Variants in PDE1C observed in about 807,000 individuals in gnomAD.
The protein encoded by PDE1C is dual specificity calcium/calmodulin-dependent 3',5'-cyclic nucleotide phosphodiesterase 1C.
PDE1C carries 62 observed loss-of-function variants against 93.1 expected under a neutral mutation model. That is an observed-to-expected ratio of 0.67 (90% CI 0.54 to 0.82). The LOEUF (loss-of-function observed/expected upper bound fraction) is 0.82, where lower values mean the gene tolerates loss of function less well. Ranked by LOEUF, PDE1C falls within the 40% of genes least tolerant of loss-of-function variation. PDE1C has a pLI of 0.00. For missense variants in PDE1C, 742 were observed against 884.6 expected (o/e 0.84, Z 2.04); for synonymous variants, 325 against 310.1 (o/e 1.05, Z -0.50).
chr7:31,770,102 C>T (rs979929824), intron 17 of PDE1C, among the ~76,000 whole-genome samples: 1 of 152,142 alleles, frequency 6.6e-6, no homozygotes, highest in Non-Finnish European at 1.5e-5. Context: ...ATTATAGCAT[C>T]CTAGTGCATG....
At chr7:32,113,236 A>AATATATATAT (rs35138046) in intron 3 of PDE1C, among the ~76,000 whole-genome samples, 2,720 of 93,800 alleles carry the variant, frequency 0.029, 92 homozygotes, top group South Asian at 0.052. Flanking sequence ...ATTGTCCTTA[A>AATATATATAT]ATATATATAT....
In PDE1C at chr7:32,298,065, C is replaced by CTCTCTCTCTCT. The variant is rs1562660556; in HGVS notation, c.85+585_85+586insAGAGAGAGAGA. On this transcript the variant is annotated intron_variant, in intron 1 of 18. Transcript: ENST00000396193. ...CTCTCTCTCTCTCTCTCTCTCTCTC[C>CTCTCTCTCTCT]CCTCTCTCTCTGAATTCCCCGGTCT... is the stretch of plus-strand genomic sequence containing the variant. 6.3e-3 allele frequency among the ~76,000 whole-genome samples: 134 copies of CTCTCTCTCTCT among 21,174 alleles called. 58 individuals carry two copies. The highest frequency in any genetic ancestry group is 0.017 in the South Asian group (8 of 478). The allele number at this position is 21,174 out of a possible 152,430, so 13.9% of individuals were successfully genotyped here.
At chr7:32,034,815 T>G (rs1790828779) in intron 2 of PDE1C, among the ~76,000 whole-genome samples, 1 of 152,114 alleles carries the variant, frequency 6.6e-6, no homozygotes, top group Admixed American at 6.6e-5. Flanking sequence ...CTTGGAAAGT[T>G]ACTTATGATT....
the PDE1C span, among the ~76,000 whole-genome samples, chr7:31,636,429 AAAG>A: frequency 6.6e-6 from 1 of 152,198 alleles, no homozygotes; most frequent in Admixed American, 6.5e-5. Context: ...GATTGTTTGA[AAAG>A]TTGAAATAAT....
chr7:31,652,992 C>T, the PDE1C span: 1 of 1,434,316 alleles, frequency 7.0e-7, no homozygotes. Flanking sequence ...TTAGAATACT[C>T]TAATACTCAT....
chr7:32,154,019 C>T (rs1471450089), intron 3 of PDE1C, among the ~76,000 whole-genome samples: 2 of 152,192 alleles, frequency 1.3e-5, no homozygotes, highest in Admixed American at 6.5e-5. Context: ...TTTGGGAGTC[C>T]AGTGCAGGTG....
chr7:32,051,698 G>C (rs918470998), intron 1 of PDE1C, 118 bp from the exon 2 acceptor site: 1 of 801,536 alleles, frequency 1.2e-6, no homozygotes, highest in African/African-American at 1.7e-5. Context: ...GGGTTTCTCT[G>C]TGAAGCTTAT....
Position 31,951,038 on chromosome 7 carries a change from C to T in PDE1C, c.129-70178G>A, listed in dbSNP as rs534580214. Among the ~76,000 whole-genome samples, 4 of 152,238 alleles carry T rather than the reference C, an allele frequency of 2.6e-5. No homozygotes were observed. In the South Asian group the frequency reaches 8.3e-4, roughly 32 times the overall value. ...CCTCTCTTCTTGGCTTGTAGATGGC[C>T]ACCTTCTCACGGTGTCCTCAAATGG... is the stretch of plus-strand genomic sequence containing the variant. On this transcript the variant is annotated intron_variant, in intron 2 of 17. Transcript: ENST00000396191.
intron 3 of PDE1C, among the ~76,000 whole-genome samples, chr7:32,167,098 A>C (rs948896066): frequency 6.6e-6 from 1 of 152,102 alleles, no homozygotes; most frequent in Admixed American, 6.5e-5. Flanking sequence ...AAATATTTGA[A>C]ATTTTTTTGA....
At chr7:32,208,858 G>A (rs1302532284) in intron 2 of PDE1C, among the ~76,000 whole-genome samples, 1 of 152,150 alleles carries the variant, frequency 6.6e-6, no homozygotes, top group Non-Finnish European at 1.5e-5. Context: ...AAGGAGTCAA[G>A]GGAAGCCCCA....
At chr7:32,205,629 C>T (rs1318216762) in intron 2 of PDE1C, among the ~76,000 whole-genome samples, 1 of 152,172 alleles carries the variant, frequency 6.6e-6, no homozygotes, top group East Asian at 1.9e-4. Flanking sequence ...TTTGGGTCTG[C>T]TTGTGCCCTG....
intron 9 of PDE1C, among the ~76,000 whole-genome samples, chr7:31,841,348 A>G (rs1791873073): frequency 6.6e-6 from 1 of 151,858 alleles, no homozygotes; most frequent in Non-Finnish European, 1.5e-5. Context: ...GCTCCTTTAC[A>G]GATCCTTAGG....
At chr7:32,059,568 G>C (rs536790006) in intron 1 of PDE1C, among the ~76,000 whole-genome samples, 83 of 152,158 alleles carry the variant, frequency 5.5e-4, no homozygotes, top group Non-Finnish European at 1.0e-3. Context: ...CAAATCTGCT[G>C]CTCATGCCTG....
At chr7:32,002,475 T>TCA (rs1165805846) in intron 2 of PDE1C, among the ~76,000 whole-genome samples, 3 of 152,138 alleles carry the variant, frequency 2.0e-5, no homozygotes, top group African/African-American at 7.2e-5. Context: ...TCTGTGAAAA[T>TCA]GGGGTGATCC....
intron 10 of PDE1C, 146 bp from the exon 11 acceptor site, chr7:31,837,446 C>T: frequency 1.4e-6 from 1 of 692,646 alleles, no homozygotes; most frequent in East Asian, 3.0e-5. Context: ...GACATCATTT[C>T]ATCCTACAAC....
intron 3 of PDE1C, among the ~76,000 whole-genome samples, chr7:32,084,579 C>A (rs1455647854): frequency 6.6e-6 from 1 of 151,818 alleles, no homozygotes; most frequent in Non-Finnish European, 1.5e-5. Context: ...ACACCTATTC[C>A]AAAATTGCAC....
intron 1 of PDE1C, among the ~76,000 whole-genome samples, chr7:32,052,787 C>A (rs1793567685): frequency 6.6e-6 from 1 of 152,174 alleles, no homozygotes; most frequent in Non-Finnish European, 1.5e-5. Flanking sequence ...ACAGAACCTA[C>A]AGTGTGGTCT....
intron 1 of PDE1C, among the ~76,000 whole-genome samples, chr7:32,420,827 G>A (rs1785417271): frequency 6.6e-6 from 1 of 152,118 alleles, no homozygotes; most frequent in African/African-American, 2.4e-5. Context: ...TGTAAGATTT[G>A]CTCATTAGCT....
At chr7:31,829,958 T>C (rs1439367065) in intron 11 of PDE1C, among the ~76,000 whole-genome samples, 1 of 152,134 alleles carries the variant, frequency 6.6e-6, no homozygotes, top group Non-Finnish European at 1.5e-5. Context: ...CAGTACATTT[T>C]AATGGGGAGG....
Sources: allele counts gnomAD v4.1 joint callset (sites outside exome capture counted in the v4.1 genomes callset), GRCh38; gene constraint gnomAD v4.1.1; transcripts MANE v1.5; gene names NCBI Gene and HGNC (gene_info 2026-07-23, HGNC 2026-07-21).